Variants in KDM4B observed in about 807,000 individuals in gnomAD.
KDM4B encodes lysine demethylase 4B.
Under a neutral mutation model 125.2 loss-of-function variants are expected in KDM4B, and 32 were observed. The observed-to-expected ratio is 0.26, with a 90% CI of 0.19 to 0.34. The LOEUF (loss-of-function observed/expected upper bound fraction) is 0.34, where lower values mean the gene tolerates loss of function less well. Among genes scored for constraint, KDM4B ranks in the 10% least tolerant of loss-of-function variants. The pLI, the probability that KDM4B is intolerant of heterozygous loss-of-function variation, is 1.00. For synonymous variants in KDM4B, 721 were observed against 677.9 expected, an observed-to-expected ratio of 1.06 and a Z score of -0.99; for missense variants, 1,190 against 1,577.7, an observed-to-expected ratio of 0.75 and a Z score of 4.16.
At chr19:5,046,072 A>AGCGGG (rs1397477238) in intron 5 of KDM4B, among the ~76,000 whole-genome samples, 3 of 152,158 alleles carry the variant, frequency 2.0e-5, no homozygotes, top group Non-Finnish European at 4.4e-5. Context: ...GTGAAAGTTC[A>AGCGGG]GCCTCAGACT....
In KDM4B at chr19:5,035,890, C is replaced by T. The variant is rs575052039; in HGVS notation, c.141+2859C>T. 0.26 allele frequency among the ~76,000 whole-genome samples: 32,879 copies of T among 127,412 alleles called. 4,469 individuals carry two copies. Among genetic ancestry groups the T allele is most frequent in the East Asian group, 0.64 (3,073 of 4,786 alleles). 83.6% of individuals were successfully genotyped at this position (127,412 alleles called of 152,430 possible). A position where few individuals can be genotyped will look rare whatever the true frequency, so the allele number is the denominator to read the frequency against. On this transcript the variant is annotated intron_variant, in intron 3 of 22. Transcript: ENST00000159111. The surrounding 1 kb of genome is among the most constrained non-coding windows in gnomAD (Gnocchi z 5.3). ...GTGTGTGTGTGTGTGTGCGCGCGCG[C>T]GCGCGCCTGCGCGCACAGGAGACTG...
Position 4,971,681 on chromosome 19 carries a change from G to T in KDM4B, c.-109+2451G>T, listed in dbSNP as rs571712898. ...GGAAAGGGTGAGCTGGCTGCCCAGG[G>T]CCTGGTCACAGCTGGAATGGTGGTG... On this transcript the variant is annotated intron_variant, in intron 1 of 22. Coordinates refer to ENST00000159111, the MANE Select transcript of KDM4B (RefSeq NM_015015.3). The surrounding 1 kb of genome is among the most constrained non-coding windows in gnomAD (Gnocchi z 4.1). Among the ~76,000 whole-genome samples, 3 of 152,276 alleles carry T rather than the reference G, an allele frequency of 2.0e-5. No individual in the cohort carries two copies. In the South Asian group the frequency reaches 6.2e-4, roughly 32 times the overall value.
intron 1 of KDM4B, among the ~76,000 whole-genome samples, chr19:4,987,607 T>G (rs752377784): frequency 3.9e-5 from 6 of 152,212 alleles, no homozygotes; most frequent in Non-Finnish European, 8.8e-5. Context: ...CCTTTGGATT[T>G]AGCGGTCTTT....
chr19:5,108,111 G>C (rs533296182), intron 9 of KDM4B, among the ~76,000 whole-genome samples: 1 of 152,380 alleles, frequency 6.6e-6, no homozygotes, highest in East Asian at 1.9e-4. Flanking sequence ...GGCCGTGGCA[G>C]TGCACTCCGT....
At chr19:5,070,085 G>A (rs1394122768) in intron 6 of KDM4B, among the ~76,000 whole-genome samples, 4 of 152,158 alleles carry the variant, frequency 2.6e-5, no homozygotes, top group Admixed American at 2.6e-4. Flanking sequence ...GGAGCTGTTG[G>A]CCTTGTTACT....
intron 11 of KDM4B, among the ~76,000 whole-genome samples, chr19:5,127,255 G>A (rs1361915002): frequency 6.6e-6 from 1 of 152,192 alleles, no homozygotes; most frequent in Non-Finnish European, 1.5e-5. Context: ...GGCGTGCCAA[G>A]GTCCCTGTGG....
intron 9 of KDM4B, among the ~76,000 whole-genome samples, chr19:5,090,802 C>T (rs1419217094): frequency 6.6e-6 from 1 of 150,950 alleles, no homozygotes. Context: ...CCTCTGCTTC[C>T]CTTGCCCCAC....
intron 1 of KDM4B, among the ~76,000 whole-genome samples, chr19:4,992,035 A>G (rs1234885744): frequency 1.3e-5 from 2 of 152,058 alleles, no homozygotes; most frequent in South Asian, 2.1e-4. Context: ...GATTTTAGCA[A>G]TTTGAGTTCT....
At chr19:5,083,680 G>A (rs1372763594) in intron 9 of KDM4B, among the ~76,000 whole-genome samples, 2 of 152,178 alleles carry the variant, frequency 1.3e-5, no homozygotes, top group African/African-American at 2.4e-5. Flanking sequence ...TGTCTTCCCC[G>A]CAGAGACAGC....
intron 2 of KDM4B, among the ~76,000 whole-genome samples, chr19:5,018,820 C>T (rs1249949618): frequency 6.6e-6 from 1 of 152,242 alleles, no homozygotes; most frequent in Non-Finnish European, 1.5e-5. Flanking sequence ...CACTGTGTGG[C>T]CTTTTGTGCC....
At chr19:4,980,357 T>A (rs2034592824) in intron 1 of KDM4B, among the ~76,000 whole-genome samples, 1 of 151,618 alleles carries the variant, frequency 6.6e-6, no homozygotes, top group South Asian at 2.1e-4. Context: ...CTTCTCTCAG[T>A]GGGCGTGATA....
rs112383703 is a variant in KDM4B, at chr19:5,119,846, G to C, written c.1309G>C (p.Ala437Pro). ...GCCACACGGCCGGGAGGCCGAGGGC[G>C]CAGAAGGTCAGTCCCTGCCGGGCCA... ...PLPHGREAEG[A>P]EEDGRGKLRP... Residue 437 changes from alanine to proline, a missense_variant, in exon 11 of 23, where the codon GCA becomes CCA. Physicochemically the swap from Ala to Pro is conservative, Grantham distance 27 (BLOSUM62 -1). Coordinates refer to ENST00000159111, the MANE Select transcript of KDM4B (RefSeq NM_015015.3). 1.9e-6 allele frequency: 3 copies of C among 1,546,294 alleles called. No homozygotes were observed. The Admixed American group carries it at 5.9e-5, about 31-fold the overall frequency.
chr19:5,041,218 C>T lies in KDM4B; in HGVS notation c.399C>T (p.Tyr133=), dbSNP rs779044558. The change falls in exon 5 of 23, where the codon TAC becomes TAT. Residue 133 remains tyrosine (Y), a synonymous_variant. Transcript: ENST00000159111. ...ACCTCACCTTTGTCTCCCCGATCTA[C>T]GGGGCTGACATCAGCGGCTCTTTGT... is the stretch of plus-strand genomic sequence containing the variant. ...WKNLTFVSPI[Y]GADISGSLYD... 36 of 1,612,934 alleles carry T rather than the reference C, an allele frequency of 2.2e-5. 2 individuals carry two copies. The highest frequency in any genetic ancestry group is 1.8e-4 in the South Asian group (16 of 91,060).
At position 5,054,280 on chromosome 19, in the gene KDM4B, C is replaced by T. The variant is rs117707057; in HGVS notation, c.626+6611C>T. 3.4e-4 allele frequency among the ~76,000 whole-genome samples: 52 copies of T among 152,244 alleles called. 1 individual carries two copies. The East Asian group carries it at 8.5e-3, about 25-fold the overall frequency. On this transcript the variant is annotated intron_variant, in intron 6 of 22. Coordinates refer to ENST00000159111, the MANE Select transcript of KDM4B (RefSeq NM_015015.3). ...ATTTTTTGTAGAGACGGGGTCTCCC[C>T]GTGTTGCCTGGGCTGGTCTCGAACT...
intron 18 of KDM4B, among the ~76,000 whole-genome samples, chr19:5,143,239 C>T (rs946366854): frequency 2.6e-5 from 4 of 151,570 alleles, no homozygotes; most frequent in Non-Finnish European, 5.9e-5. Flanking sequence ...GGGAGGATTG[C>T]TTGAGCCCAG....
At position 5,110,717 on chromosome 19, in the gene KDM4B, C is replaced by T. The variant is rs762957619; in HGVS notation, c.1014C>T (p.Asp338=). 4 of 1,612,876 alleles carry T rather than the reference C, an allele frequency of 2.5e-6. No individual in the cohort carries two copies. Among genetic ancestry groups the T allele is most frequent in the South Asian group, 1.1e-5 (1 of 91,072 alleles). ...ACGAGCTGTGGAAGCAGGGCAAGGACCTCACGGTGCTGGACCACACGCGGC... is the reference window on the plus strand; with the variant it reads ...ACGAGCTGTGGAAGCAGGGCAAGGATCTCACGGTGCTGGACCACACGCGGC... ...ERYELWKQGK[D]LTVLDHTRPT... is the part of the protein sequence containing the mutation. The change falls in exon 10 of 23, where the codon GAC becomes GAT. Residue 338 remains aspartate, a synonymous_variant. Transcript: ENST00000159111.
chr19:5,056,427 A>G (rs1272965730), intron 6 of KDM4B, among the ~76,000 whole-genome samples: 3 of 132,608 alleles, frequency 2.3e-5, no homozygotes, highest in Non-Finnish European at 4.7e-5. Flanking sequence ...TTTTTTTGAG[A>G]TGGAGTCTTG....
intron 1 of KDM4B, among the ~76,000 whole-genome samples, chr19:4,980,464 C>G (rs2034599382): frequency 6.7e-6 from 1 of 148,386 alleles, no homozygotes; most frequent in Non-Finnish European, 1.5e-5. Context: ...TACTCTGCCA[C>G]CCAGGCTGGA....
chr19:5,038,564 C>T (rs377234763), intron 3 of KDM4B, among the ~76,000 whole-genome samples: 7 of 152,362 alleles, frequency 4.6e-5, no homozygotes, highest in African/African-American at 1.7e-4. Flanking sequence ...TTGTCTTCCT[C>T]TGCTGTCTTC....
Sources: allele counts gnomAD v4.1 joint callset (sites outside exome capture counted in the v4.1 genomes callset), GRCh38; gene constraint gnomAD v4.1.1; non-coding constraint Gnocchi (gnomAD v3.1); transcripts MANE v1.5; gene names NCBI Gene and HGNC (gene_info 2026-07-23, HGNC 2026-07-21).